Variants in ANOS1 observed in about 807,000 individuals in gnomAD.
ANOS1 encodes the protein anosmin 1.
Under a neutral mutation model 59.0 loss-of-function variants are expected in ANOS1, and 6 were observed. The observed-to-expected ratio is 0.10, with a 90% CI of 0.06 to 0.20. The LOEUF (loss-of-function observed/expected upper bound fraction) is 0.20, where lower values mean the gene tolerates loss of function less well. Ranked by LOEUF, ANOS1 falls within the 10% of genes least tolerant of loss-of-function variation. ANOS1 has a pLI of 1.00. For missense variants in ANOS1, 433 were observed against 542.3 expected (o/e 0.80, Z 2.00); for synonymous variants, 217 against 223.4 (o/e 0.97, Z 0.25).
At chrX:8,590,054 T>C (rs945824843) in intron 4 of ANOS1, among the ~76,000 whole-genome samples, 2 of 111,527 alleles carry the variant, frequency 1.8e-5, no homozygotes, top group Admixed American at 1.9e-4. Flanking sequence ...TCTCAATCTC[T>C]TTTTCTACTG....
intron 2 of ANOS1, among the ~76,000 whole-genome samples, chrX:8,657,894 T>C (rs936925372): frequency 3.6e-5 from 4 of 111,193 alleles, no homozygotes; most frequent in Non-Finnish European, 7.5e-5. Flanking sequence ...GGTAATGCTT[T>C]ATGCTCTGAG....
chrX:8,573,211 C>T (rs1484703946), intron 6 of ANOS1, among the ~76,000 whole-genome samples: 1 of 110,104 alleles, frequency 9.1e-6, no homozygotes, highest in Non-Finnish European at 1.9e-5. Flanking sequence ...TTACAGGCAC[C>T]TGCCATCATG....
At chrX:8,635,774 A>G (rs1428365437) in intron 2 of ANOS1, among the ~76,000 whole-genome samples, 1 of 112,014 alleles carries the variant, frequency 8.9e-6, no homozygotes, top group African/African-American at 3.2e-5. Context: ...GGACATCTGT[A>G]TATCCTTCGG....
intron 3 of ANOS1, among the ~76,000 whole-genome samples, chrX:8,602,887 C>A (rs866428845): frequency 2.7e-5 from 3 of 110,662 alleles, no homozygotes; most frequent in African/African-American, 9.9e-5. Context: ...TACAGGCATG[C>A]GCCACCATGT....
At chrX:8,592,282 T>C (rs1034290727) in intron 4 of ANOS1, among the ~76,000 whole-genome samples, 4 of 109,111 alleles carry the variant, frequency 3.7e-5, no homozygotes, top group Non-Finnish European at 7.7e-5. Context: ...GGCTACTGGA[T>C]GCAAAATGTT....
At chrX:8,573,365 T>A (rs891767343) in intron 6 of ANOS1, among the ~76,000 whole-genome samples, 1 of 111,085 alleles carries the variant, frequency 9.0e-6, no homozygotes, top group African/African-American at 3.3e-5. Flanking sequence ...GCCTGGTCTC[T>A]ACTGGATTTT....
At chrX:8,609,811 T>A (rs921529211) in intron 3 of ANOS1, among the ~76,000 whole-genome samples, 1 of 108,643 alleles carries the variant, frequency 9.2e-6, no homozygotes, top group African/African-American at 3.4e-5. Context: ...ATCGAGACCA[T>A]CCTGGCTAAC....
chrX:8,619,479 T>C (rs1032831668), intron 3 of ANOS1, among the ~76,000 whole-genome samples: 2 of 109,701 alleles, frequency 1.8e-5, no homozygotes, highest in South Asian at 3.9e-4. Context: ...TGATGCATGC[T>C]TGTAGTCCCA....
In ANOS1 at chrX:8,562,861, C is replaced by T. The variant is rs766102238; in HGVS notation, c.1207+5371G>A. Among the ~76,000 whole-genome samples, 15 of 112,391 alleles carry T rather than the reference C, an allele frequency of 1.3e-4. 1 individual carries two copies. The highest frequency in any genetic ancestry group is 4.7e-4 in the Admixed American group (5 of 10,598). ...GTTTATCATTAAAACACCTAGCAGC[C>T]TGCAGACCTGGAAAAATATAATTCA... On this transcript the variant is annotated intron_variant, in intron 8 of 13. Coordinates refer to ENST00000262648, the MANE Select transcript of ANOS1 (RefSeq NM_000216.4).
At position 8,732,124 on chromosome X, in the gene ANOS1, C is replaced by A. The variant is rs1293571666; in HGVS notation, c.-88G>T. 8.4e-6 allele frequency: 6 copies of A among 713,167 alleles called. No homozygotes were observed. Among genetic ancestry groups the A allele is most frequent in the African/African-American group, 2.3e-5 (1 of 44,252 alleles). The allele number at this position is 713,167 out of a possible 1,213,427, so 58.8% of individuals were successfully genotyped here. A position where few individuals can be genotyped will look rare whatever the true frequency, so the allele number is the denominator to read the frequency against. On this transcript the variant is annotated 5_prime_UTR_variant, in exon 1 of 14. Transcript: ENST00000262648. Reference sequence around the variant, plus strand: ...CGGGGCTGCACTGCTGAGGACCAGGCAGACGCCGCGACTGAGCCGGAAAGT... The same window carrying A: ...CGGGGCTGCACTGCTGAGGACCAGGAAGACGCCGCGACTGAGCCGGAAAGT...
chrX:8,604,748 T>G (rs1930908394), intron 3 of ANOS1, among the ~76,000 whole-genome samples: 1 of 112,389 alleles, frequency 8.9e-6, no homozygotes, highest in Admixed American at 9.4e-5. Context: ...CGTCTCTGTA[T>G]GTACAAAAGA....
chrX:8,689,392 C>T (rs900068782), intron 2 of ANOS1, among the ~76,000 whole-genome samples: 1 of 110,277 alleles, frequency 9.1e-6, no homozygotes, highest in African/African-American at 3.3e-5. Context: ...TCAATTCCAT[C>T]AACTCCCTTA....
chrX:8,545,267 A>G (rs1307760444), intron 9 of ANOS1, among the ~76,000 whole-genome samples: 12 of 101,696 alleles, frequency 1.2e-4, no homozygotes, highest in Non-Finnish European at 2.2e-4. Context: ...ACAAAAAAAA[A>G]AAAAGAAAGA....
intron 8 of ANOS1, chrX:8,566,101 C>A (rs755486273): frequency 2.3e-4 from 170 of 753,107 alleles, no homozygotes; most frequent in Non-Finnish European, 2.6e-4. Context: ...ATGTCCATTC[C>A]TTGTGGGCCT....
chrX:8,597,991 A>G (rs1438626196), intron 3 of ANOS1, among the ~76,000 whole-genome samples: 2 of 111,531 alleles, frequency 1.8e-5, no homozygotes, highest in African/African-American at 6.5e-5. Context: ...TATCATAAAT[A>G]CTCATCAAAA....
chrX:8,618,895 A>T (rs1192334503), intron 3 of ANOS1, among the ~76,000 whole-genome samples: 2 of 109,041 alleles, frequency 1.8e-5, no homozygotes, highest in Admixed American at 2.0e-4. Flanking sequence ...AAGAGGGGGA[A>T]ACCCCATCTC....
At chrX:8,550,191 T>C (rs1405885256) in intron 9 of ANOS1, among the ~76,000 whole-genome samples, 1 of 111,909 alleles carries the variant, frequency 8.9e-6, no homozygotes, top group Non-Finnish European at 1.9e-5. Context: ...AATATATTTA[T>C]AATATACCAA....
chrX:8,695,482 C>T (rs1382170199), intron 2 of ANOS1, among the ~76,000 whole-genome samples: 1 of 111,489 alleles, frequency 9.0e-6, no homozygotes, highest in African/African-American at 3.3e-5. Flanking sequence ...ATCACCTTAA[C>T]GGAGGAATAT....
At chrX:8,670,392 T>C (rs1372648770) in intron 2 of ANOS1, among the ~76,000 whole-genome samples, 5 of 111,350 alleles carry the variant, frequency 4.5e-5, no homozygotes, top group African/African-American at 1.6e-4. Flanking sequence ...GAGTTGGGAT[T>C]GGAATTGGCG....
Sources: gnomAD v4.1 joint callset for allele counts (sites outside exome capture counted in the v4.1 genomes callset) on GRCh38, gnomAD v4.1.1 for gene constraint, MANE v1.5 for transcripts, NCBI Gene and HGNC (gene_info 2026-07-23, HGNC 2026-07-21) for gene names.